The following MARCHF1 variants were observed in gnomAD, a reference collection of about 807,000 sequenced individuals.
MARCHF1 encodes membrane associated ring-CH-type finger 1.
Under a neutral mutation model 54.2 loss-of-function variants are expected in MARCHF1, and 40 were observed. The observed-to-expected ratio is 0.74, with a 90% CI of 0.57 to 0.96. The LOEUF (loss-of-function observed/expected upper bound fraction) is 0.96, where lower values mean the gene tolerates loss of function less well. MARCHF1 is among the 40% of genes least tolerant of loss of function. MARCHF1 has a pLI of 0.00. For synonymous variants in MARCHF1, 236 were observed against 236.3 expected (o/e 1.00, Z 0.01); for missense variants, 586 against 656.5 (o/e 0.89, Z 1.17).
chr4:164,160,760 T>C (rs1215262237), intron 1 of MARCHF1, among the ~76,000 whole-genome samples: 2 of 152,248 alleles, frequency 1.3e-5, no homozygotes, highest in African/African-American at 4.8e-5. Context: ...TCATCACAAC[T>C]CAGCTTAAGA....
At position 164,158,501 on chromosome 4, in the gene MARCHF1, TGTG is replaced by T. The variant is rs773021940; in HGVS notation, c.-322-46842_-322-46840del. On this transcript the variant is annotated intron_variant, in intron 1 of 9. Coordinates refer to ENST00000514618, the MANE Select transcript of MARCHF1 (RefSeq NM_001394959.1). ...ACTAAAAATACAAAAGTCAGCCAAGTGTGGTGACGGGCGCCTATAATCCCAGCT... is the reference window on the plus strand; with the variant it reads ...ACTAAAAATACAAAAGTCAGCCAAGTGTGACGGGCGCCTATAATCCCAGCT... Among the ~76,000 whole-genome samples, 16 of 152,004 alleles carry T rather than the reference TGTG, an allele frequency of 1.1e-4. 1 individual carries two copies. The highest frequency in any genetic ancestry group is 9.7e-4 in the East Asian group (5 of 5,158).
chr4:163,939,209 C>G (rs1340438703), intron 3 of MARCHF1, among the ~76,000 whole-genome samples: 1 of 152,158 alleles, frequency 6.6e-6, no homozygotes, highest in African/African-American at 2.4e-5. Flanking sequence ...GGGAAACTCT[C>G]TGGGATATAA....
chr4:163,958,244 AGTGT>A (rs58660279), intron 3 of MARCHF1, among the ~76,000 whole-genome samples: 2,800 of 148,518 alleles, frequency 0.019, 58 homozygotes, highest in African/African-American at 0.047. Context: ...CAATCAAGTG[AGTGT>A]GTGTGTGTGT....
At chr4:164,025,683 C>T (rs1288908818) in intron 2 of MARCHF1, among the ~76,000 whole-genome samples, 1 of 150,598 alleles carries the variant, frequency 6.6e-6, no homozygotes, top group Non-Finnish European at 1.5e-5. Context: ...AACAACAAAC[C>T]AGCCAACCCC....
chr4:163,792,476 T>C (rs1747797689), intron 4 of MARCHF1, among the ~76,000 whole-genome samples: 1 of 152,086 alleles, frequency 6.6e-6, no homozygotes, highest in Non-Finnish European at 1.5e-5. Flanking sequence ...GTCCAATATT[T>C]GCATTTCATA....
chr4:164,253,753 T>C lies in MARCHF1; in HGVS notation c.-323+130117A>G, dbSNP rs534429512. 1.2e-3 allele frequency among the ~76,000 whole-genome samples: 184 copies of C among 152,244 alleles called. 1 individual carries two copies. Among genetic ancestry groups the C allele is most frequent in the African/African-American group, 4.2e-3 (173 of 41,568 alleles). Reference sequence around the variant, plus strand: ...ATGTTTATAACTGCTTTATTTGTAATAGCCTGAAACTGGAAACAACCCAAA... The same window carrying C: ...ATGTTTATAACTGCTTTATTTGTAACAGCCTGAAACTGGAAACAACCCAAA... On this transcript the variant is annotated intron_variant, in intron 1 of 9. Coordinates refer to ENST00000514618, the MANE Select transcript of MARCHF1 (RefSeq NM_001394959.1).
chr4:163,660,321 C>A (rs1173991556), intron 5 of MARCHF1, among the ~76,000 whole-genome samples: 1 of 151,976 alleles, frequency 6.6e-6, no homozygotes, highest in Non-Finnish European at 1.5e-5. Context: ...CCAAACACTG[C>A]ATGTTCTCAT....
Position 164,070,245 on chromosome 4 carries a change from T to G in MARCHF1, c.-248+41343A>C, listed in dbSNP as rs188841866. Among the ~76,000 whole-genome samples the G allele has an allele frequency of 1.4e-3, 211 of 152,262 alleles. 3 individuals carry two copies. The highest frequency in any genetic ancestry group is 3.4e-3 in the Middle Eastern group (1 of 294). ...CCTATATCTAAAATAAAAGTTTAAA[T>G]TAAGAAAAGAGTTTTCTGTCATGAC... On this transcript the variant is annotated intron_variant, in intron 2 of 9. Transcript: ENST00000514618.
At chr4:164,165,733 T>C (rs1029736913) in intron 1 of MARCHF1, among the ~76,000 whole-genome samples, 15 of 152,090 alleles carry the variant, frequency 9.9e-5, no homozygotes, top group South Asian at 4.1e-4. Context: ...GGGGTGGGCA[T>C]TGAGAGGATG....
At chr4:164,125,777 A>AG (rs1342006919) in intron 1 of MARCHF1, among the ~76,000 whole-genome samples, 1 of 152,194 alleles carries the variant, frequency 6.6e-6, no homozygotes, top group Non-Finnish European at 1.5e-5. Flanking sequence ...GCCTCCTGTC[A>AG]GATCAGCAGG....
At chr4:164,213,237 T>TTATTATTAC (rs1731831064) in intron 1 of MARCHF1, among the ~76,000 whole-genome samples, 2 of 109,350 alleles carry the variant, frequency 1.8e-5, no homozygotes, top group South Asian at 2.8e-4. Flanking sequence ...ATTATTATTA[T>TTATTATTAC]TATTATTATT....
intron 3 of MARCHF1, among the ~76,000 whole-genome samples, chr4:163,879,939 A>T (rs1750378657): frequency 6.6e-6 from 1 of 152,078 alleles, no homozygotes; most frequent in Admixed American, 6.6e-5. Context: ...TTAGGTTCCA[A>T]TTCATGATAC....
chr4:163,750,519 A>AATAAATAT (rs1746491214), intron 4 of MARCHF1, among the ~76,000 whole-genome samples: 1 of 69,676 alleles, frequency 1.4e-5, no homozygotes, highest in Non-Finnish European at 4.4e-5. Context: ...TCAAAAAATA[A>AATAAATAT]ATAAATAAAT....
At position 163,910,411 on chromosome 4, in the gene MARCHF1, C is replaced by T. The variant is rs192313200; in HGVS notation, c.-38-56242G>A. ...CATTTTCTCAAAGCTATGTTCTCTT[C>T]TCTATGCACTGTGACCTATTGCTAT... On this transcript the variant is annotated intron_variant, in intron 3 of 9. Coordinates refer to ENST00000514618, the MANE Select transcript of MARCHF1 (RefSeq NM_001394959.1). 1.5e-4 allele frequency among the ~76,000 whole-genome samples: 23 copies of T among 152,292 alleles called. No individual in the cohort carries two copies. In the East Asian group the frequency reaches 2.1e-3, roughly 14 times the overall value.
intron 1 of MARCHF1, among the ~76,000 whole-genome samples, chr4:164,336,230 C>G (rs957249625): frequency 6.6e-6 from 1 of 152,184 alleles, no homozygotes; most frequent in South Asian, 2.1e-4. Flanking sequence ...TCCTGAAAGA[C>G]AGCCCATGTC....
At chr4:164,098,354 G>C (rs1357096208) in intron 2 of MARCHF1, among the ~76,000 whole-genome samples, 1 of 152,112 alleles carries the variant, frequency 6.6e-6, no homozygotes, top group South Asian at 2.1e-4. Flanking sequence ...AGGTATGTTA[G>C]GAAGACAACC....
Position 164,134,601 on chromosome 4 carries a change from C to T in MARCHF1, c.-322-22939G>A, listed in dbSNP as rs140814474. On this transcript the variant is annotated intron_variant, in intron 1 of 9. Transcript: ENST00000514618. ...TTTATATTCCTTCTGACGTCACACT[C>T]GCCCTCACTCCACAATATTCAATAT... Among the ~76,000 whole-genome samples the T allele has an allele frequency of 1.4e-3, 220 of 152,120 alleles. 7 individuals are homozygous for T. In the East Asian group the frequency reaches 0.034, roughly 24 times the overall value.
chr4:164,120,690 T>C (rs2110772083), intron 1 of MARCHF1, among the ~76,000 whole-genome samples: 1 of 152,008 alleles, frequency 6.6e-6, no homozygotes, highest in South Asian at 2.1e-4. Flanking sequence ...ATTTAGAAAA[T>C]GATGCAAATA....
intron 8 of MARCHF1, chr4:163,555,826 G>T (rs944004532): frequency 1.3e-5 from 5 of 398,132 alleles, no homozygotes; most frequent in Non-Finnish European, 2.1e-5. Flanking sequence ...GCCCATTTCT[G>T]TTGTGGGCTC....
Sources: gnomAD v4.1 joint callset for allele counts (sites outside exome capture counted in the v4.1 genomes callset) on GRCh38, gnomAD v4.1.1 for gene constraint, MANE v1.5 for transcripts, NCBI Gene and HGNC (gene_info 2026-07-23, HGNC 2026-07-21) for gene names.